Variants in PI16 observed in about 807,000 individuals in gnomAD.
PI16 encodes the protein peptidase inhibitor 16, also known as PSP94-binding protein.
A neutral mutation model predicts 38.0 loss-of-function variants in PI16; 35 were observed. That is an observed-to-expected ratio of 0.92 (90% CI 0.70 to 1.22). PI16 has a LOEUF of 1.22. Among genes scored for constraint, PI16 ranks in the 50% most tolerant of loss-of-function variants. The probability of loss-of-function intolerance (pLI) is 0.00; values close to 1 mark genes in which losing one functional copy is unlikely to be tolerated. For synonymous variants in PI16, 275 were observed against 252.9 expected, an observed-to-expected ratio of 1.09 and a Z score of -0.83; for missense variants, 572 against 593.8, an observed-to-expected ratio of 0.96 and a Z score of 0.38.
rs753938637 is a variant in PI16, at chr6:36,963,554, C to T, written c.1212C>T (p.Thr404=). The T allele has an allele frequency of 5.6e-6, 9 of 1,614,092 alleles. No individual in the cohort carries two copies. Among genetic ancestry groups the T allele is most frequent in the South Asian group, 2.2e-5 (2 of 91,090 alleles). Residue 404 remains threonine (T), a synonymous_variant, in exon 5 of 7, where the codon ACC becomes ACT. Coordinates refer to ENST00000373674, the MANE Select transcript of PI16 (RefSeq NM_153370.3). ...AGTCCCTGCCCAATTTCCCCAATAC[C>T]TCTGCCACCGCTAATGCCACGGGTG... The part of the protein sequence containing the change: ...SSKSLPNFPN[T]SATANATGGR...
At chr6:36,957,516 T>C (rs1763237826) in intron 1 of PI16, among the ~76,000 whole-genome samples, 1 of 152,198 alleles carries the variant, frequency 6.6e-6, no homozygotes, top group South Asian at 2.1e-4. Flanking sequence ...TTCCTGCTGT[T>C]GTCCCAGGGC....
chr6:36,963,829 A>AG lies in PI16; in HGVS notation c.1280dup (p.Asp429Ter). On this transcript the variant is annotated frameshift_variant, in exon 6 of 7. Transcript: ENST00000373674. LOFTEE classifies it high-confidence loss of function. ...AGCCTCTTTCTTCCCACAGGTGCAG[A>AG]GGGCCCTGACAAGCCTAGCGTCGTG... 6.3e-7 allele frequency: 1 copy of AG among 1,594,226 alleles called. No individual in the cohort carries two copies. Among genetic ancestry groups the AG allele is most frequent in the South Asian group, 1.1e-5 (1 of 88,148 alleles).
chr6:36,961,151 G>GA (rs1025706102), intron 2 of PI16, among the ~76,000 whole-genome samples: 2 of 152,052 alleles, frequency 1.3e-5, no homozygotes, highest in South Asian at 2.1e-4. Context: ...CTAGCCCACA[G>GA]AAAAAAATTA....
At chr6:36,953,373 C>A (rs1464801519), upstream of PI16, among the ~76,000 whole-genome samples, 4 of 150,680 alleles carry the variant, frequency 2.7e-5, no homozygotes, top group Non-Finnish European at 5.9e-5. Flanking sequence ...GAATTTTATT[C>A]TTTTTATTCT....
chr6:36,954,702 A>G, upstream of PI16: 1 of 1,548,740 alleles, frequency 6.5e-7, no homozygotes. Context: ...TTGTGTGGGA[A>G]GGACTTTAAA....
intron 1 of PI16, among the ~76,000 whole-genome samples, chr6:36,955,904 A>G (rs995666681): frequency 2.0e-5 from 3 of 152,144 alleles, no homozygotes; most frequent in African/African-American, 7.2e-5. Flanking sequence ...TGAGGGCTGA[A>G]CTAGCTTGTC....
chr6:36,963,701 C>T lies in PI16; in HGVS notation c.1270+89C>T, dbSNP rs1314854728. 7 of 1,548,974 alleles carry T rather than the reference C, an allele frequency of 4.5e-6. No individual in the cohort carries two copies. In the East Asian group the frequency reaches 1.6e-4, roughly 35 times the overall value. ...CATAGGTGGTATGAGCATGGTGGGG[C>T]ATGCACCCTCTGAGTAGGAGCTTCC... On this transcript the variant is annotated intron_variant, in intron 5 of 6. Coordinates refer to ENST00000373674, the MANE Select transcript of PI16 (RefSeq NM_153370.3).
chr6:36,952,214 G>A (rs181841730), upstream of PI16, among the ~76,000 whole-genome samples: 50 of 152,008 alleles, frequency 3.3e-4, no homozygotes, highest in African/African-American at 1.0e-3. Flanking sequence ...GGCTGGTCTC[G>A]AACTCTTGAC....
chr6:36,951,901 A>AAAC (rs985020827), upstream of PI16, among the ~76,000 whole-genome samples: 2 of 152,176 alleles, frequency 1.3e-5, no homozygotes, highest in African/African-American at 4.8e-5. Flanking sequence ...CCTGTCTCAA[A>AAAC]AACAACAACA....
Position 36,962,174 on chromosome 6 carries a change from G to T in PI16, c.592+200G>T, listed in dbSNP as rs1763385131. Among the ~76,000 whole-genome samples the T allele has an allele frequency of 6.6e-6, 1 of 152,176 alleles. No individual in the cohort carries two copies. The highest frequency in any genetic ancestry group is 1.5e-5 in the Non-Finnish European group (1 of 68,036). On this transcript the variant is annotated intron_variant, in intron 4 of 6. Coordinates refer to ENST00000373674, the MANE Select transcript of PI16 (RefSeq NM_153370.3). The surrounding 1 kb of genome is among the most constrained non-coding windows in gnomAD (Gnocchi z 4.1). ...GGCGCCCTGTCGTTCCAAGTGGCCG[G>T]ATTTCAACCCTTCAAAGGGAGGATG...
chr6:36,955,096 C>T (rs138528289), intron 1 of PI16, among the ~76,000 whole-genome samples, 165 bp downstream of exon 1: 15 of 152,256 alleles, frequency 9.9e-5, no homozygotes, highest in African/African-American at 3.1e-4. Context: ...TATTACATTA[C>T]TTTAAATGGC....
Position 36,963,819 on chromosome 6 carries a change from AC to A in PI16, c.1271-3del. ...GCTGAGGCAAAGCCTCTTTCTTCCC[AC>A]AGGTGCAGAGGGCCCTGACAAGCCT... On this transcript the variant is annotated splice_region_variant and splice_polypyrimidine_tract_variant and intron_variant, in intron 5 of 6. Transcript: ENST00000373674. 3.8e-6 allele frequency: 6 copies of A among 1,580,542 alleles called. No homozygotes were observed. Among genetic ancestry groups the A allele is most frequent in the Non-Finnish European group, 5.1e-6 (6 of 1,166,456 alleles).
At chr6:36,952,340 T>A (rs985356527), upstream of PI16, among the ~76,000 whole-genome samples, 1 of 152,226 alleles carries the variant, frequency 6.6e-6, no homozygotes, top group African/African-American at 2.4e-5. Context: ...TTTTGTTTTG[T>A]TGCCTATGCT....
chr6:36,950,748 G>A (rs1463771641), upstream of PI16, among the ~76,000 whole-genome samples: 1 of 152,048 alleles, frequency 6.6e-6, no homozygotes, highest in Non-Finnish European at 1.5e-5. This position sits in a 1 kb window ranked among gnomAD's most constrained non-coding sequence, Gnocchi z 4.2. Flanking sequence ...TCTCCATGTT[G>A]GTCAGGCTGG....
At chr6:36,959,622 C>T (rs1763302356) in intron 2 of PI16, among the ~76,000 whole-genome samples, 1 of 152,200 alleles carries the variant, frequency 6.6e-6, no homozygotes, top group South Asian at 2.1e-4. Context: ...CCTGTAATCC[C>T]AGCAATTTGG....
At chr6:36,951,708 G>A (rs929382579), upstream of PI16, among the ~76,000 whole-genome samples, 18 of 152,128 alleles carry the variant, frequency 1.2e-4, no homozygotes, top group East Asian at 3.9e-4. Flanking sequence ...AGACCAGCCT[G>A]GCCAACATGG....
At chr6:36,953,415 C>T (rs1763133122), upstream of PI16, among the ~76,000 whole-genome samples, 1 of 149,510 alleles carries the variant, frequency 6.7e-6, no homozygotes. Context: ...AAATTGTTTT[C>T]TTAATTTCCT....
upstream of PI16, among the ~76,000 whole-genome samples, chr6:36,952,426 T>G (rs1763116171): frequency 6.6e-6 from 1 of 152,250 alleles, no homozygotes; most frequent in African/African-American, 2.4e-5. Context: ...CTAAGAGTTT[T>G]GTAGTTTTAG....
chr6:36,962,047 C>A lies in PI16; in HGVS notation c.592+73C>A. ...CGATGCAGACTGGATGGTCTAAGAG[C>A]CTCCCTGGACTGAGCGGGACGTGGG... On this transcript the variant is annotated intron_variant, in intron 4 of 6. Coordinates refer to ENST00000373674, the MANE Select transcript of PI16 (RefSeq NM_153370.3). The surrounding 1 kb of genome is among the most constrained non-coding windows in gnomAD (Gnocchi z 4.1). The A allele has an allele frequency of 1.5e-6, 2 of 1,306,408 alleles. No individual in the cohort carries two copies. Among genetic ancestry groups the A allele is most frequent in the South Asian group, 1.2e-5 (1 of 84,476 alleles). 80.9% of individuals were successfully genotyped at this position (1,306,408 alleles called of 1,614,324 possible).
Sources: gnomAD v4.1 joint callset for allele counts (sites outside exome capture counted in the v4.1 genomes callset) on GRCh38, gnomAD v4.1.1 for gene constraint, Gnocchi (gnomAD v3.1) non-coding constraint, MANE v1.5 for transcripts, NCBI Gene and HGNC (gene_info 2026-07-23, HGNC 2026-07-21) for gene names.